Variants in ZNF131 observed in about 807,000 individuals in gnomAD.
The protein encoded by ZNF131 is zinc finger and BTB domain containing 35, also known as zinc finger protein 131.
ZNF131 carries 7 observed loss-of-function variants against 60.0 expected under a neutral mutation model. That is an observed-to-expected ratio of 0.12 (90% CI 0.07 to 0.22). The LOEUF is 0.22. Ranked by LOEUF, ZNF131 falls within the 10% of genes least tolerant of loss-of-function variation. ZNF131 has a pLI of 1.00. For missense variants in ZNF131, 493 were observed against 740.9 expected (o/e 0.67, Z 3.88); for synonymous variants, 257 against 253.2 (o/e 1.01, Z -0.14).
At chr5:43,160,885 TAGTC>T (rs940799587) in intron 4 of ZNF131, among the ~76,000 whole-genome samples, 10 of 152,192 alleles carry the variant, frequency 6.6e-5, no homozygotes, top group Non-Finnish European at 1.0e-4. Flanking sequence ...TTCCCCATGT[TAGTC>T]AGGCTGGTCT....
chr5:43,166,536 A>G (rs186457380), intron 5 of ZNF131, among the ~76,000 whole-genome samples: 9 of 150,300 alleles, frequency 6.0e-5, no homozygotes, highest in African/African-American at 2.2e-4. Context: ...AATTTTTTGT[A>G]TTTTTAGTAG....
intron 3 of ZNF131, among the ~76,000 whole-genome samples, chr5:43,125,493 T>G (rs989915557): frequency 6.7e-6 from 1 of 149,180 alleles, no homozygotes; most frequent in Admixed American, 6.7e-5. Flanking sequence ...AAAAAATAAG[T>G]GGCCTGGCCG....
rs750510343 is a variant in ZNF131, at chr5:43,175,059, ACCAAG to A, written c.1803_1807del (p.Lys601AsnfsTer5). 4 of 1,614,066 alleles carry A rather than the reference ACCAAG, an allele frequency of 2.5e-6. No homozygotes were observed. On this transcript the variant is annotated frameshift_variant, in exon 7 of 7. Transcript: ENST00000682664. LOFTEE classifies it high-confidence loss of function. The stretch of plus-strand genomic sequence containing the variant: ...TCACGAAGATGCTGAGGATTTAGAG[ACCAAG>A]CCAACAGTGGATTCTGAAGCAGAAA...
At chr5:43,150,006 G>A (rs1748098292) in intron 4 of ZNF131, among the ~76,000 whole-genome samples, 1 of 152,162 alleles carries the variant, frequency 6.6e-6, no homozygotes, top group South Asian at 2.1e-4. Context: ...AAAAGGGCTT[G>A]ATTACTTAGA....
chr5:43,133,946 T>A (rs990042031), intron 3 of ZNF131, among the ~76,000 whole-genome samples: 1 of 152,130 alleles, frequency 6.6e-6, no homozygotes, highest in Non-Finnish European at 1.5e-5. Context: ...ATTAATTCAA[T>A]GAAATGTTAA....
intron 3 of ZNF131, among the ~76,000 whole-genome samples, chr5:43,127,840 G>A (rs981665591): frequency 5.3e-5 from 8 of 152,138 alleles, no homozygotes; most frequent in African/African-American, 1.9e-4. Flanking sequence ...ACCTTCTAAC[G>A]TGAACCTCCA....
chr5:43,150,547 T>C (rs962780927), intron 4 of ZNF131, among the ~76,000 whole-genome samples: 13 of 152,006 alleles, frequency 8.6e-5, no homozygotes, highest in African/African-American at 2.7e-4. Context: ...CCCAGCACTT[T>C]GGGAGGCCGA....
chr5:43,155,122 GC>G (rs1748797420), intron 4 of ZNF131, among the ~76,000 whole-genome samples: 2 of 152,204 alleles, frequency 1.3e-5, no homozygotes, highest in South Asian at 4.1e-4. Flanking sequence ...TTAATTAAGG[GC>G]TCCATTAATC....
chr5:43,155,778 A>G (rs987771755), intron 4 of ZNF131, among the ~76,000 whole-genome samples: 6 of 152,276 alleles, frequency 3.9e-5, no homozygotes, highest in South Asian at 2.1e-4. Context: ...TTACTGCTGG[A>G]TGGATGGAGT....
intron 5 of ZNF131, among the ~76,000 whole-genome samples, chr5:43,165,384 G>A (rs991996203): frequency 6.6e-6 from 1 of 152,092 alleles, no homozygotes; most frequent in Non-Finnish European, 1.5e-5. Context: ...GTGTGGCCTT[G>A]TATTTCTTAA....
chr5:43,147,268 G>A (rs921621142), intron 4 of ZNF131, among the ~76,000 whole-genome samples: 4 of 151,660 alleles, frequency 2.6e-5, no homozygotes, highest in Non-Finnish European at 5.9e-5. Context: ...TAATGCTACT[G>A]TATACAAATC....
intron 3 of ZNF131, among the ~76,000 whole-genome samples, chr5:43,128,499 C>CA (rs1249445739): frequency 2.6e-5 from 4 of 151,100 alleles, no homozygotes; most frequent in African/African-American, 4.9e-5. Flanking sequence ...ACTAAAAATA[C>CA]AAAAAAAATT....
At chr5:43,130,290 G>C (rs1262865947) in intron 3 of ZNF131, among the ~76,000 whole-genome samples, 1 of 79,322 alleles carries the variant, frequency 1.3e-5, no homozygotes, top group African/African-American at 4.2e-5. Context: ...AAAGAGGAAA[G>C]TAGAGGCAAT....
chr5:43,169,331 GTTTA>G lies in ZNF131; in HGVS notation c.1055-3986_1055-3983del, dbSNP rs77940876. The stretch of plus-strand genomic sequence containing the variant: ...TGTTTCTATTTCTACATTTTACTGA[GTTTA>G]CTTAATTTTTTAAATAGGAAAAAGC... On this transcript the variant is annotated intron_variant, in intron 5 of 6. Transcript: ENST00000682664. Among the ~76,000 whole-genome samples, 1,582 of 152,264 alleles carry G rather than the reference GTTTA, an allele frequency of 0.01. 104 individuals carry two copies. The East Asian group carries it at 0.18, about 18-fold the overall frequency.
intron 4 of ZNF131, among the ~76,000 whole-genome samples, chr5:43,154,238 C>A (rs928853535): frequency 1.2e-4 from 19 of 152,026 alleles, no homozygotes; most frequent in African/African-American, 4.6e-4. Flanking sequence ...GTGGTGAAAT[C>A]CTGTCTCTAC....
In ZNF131 at chr5:43,175,223, CAAGTGGACCA is replaced by C; in HGVS notation, c.*95_*104del. On this transcript the variant is annotated 3_prime_UTR_variant, in exon 7 of 7. Coordinates refer to ENST00000682664, the MANE Select transcript of ZNF131 (RefSeq NM_001330707.2). ...ACTGTCCTTAATTAAGCCTAACAGA[CAAGTGGACCA>C]AAGTTAAGCTGTTTCCTGTTGTGCT... 1 of 1,292,968 alleles carries C rather than the reference CAAGTGGACCA, an allele frequency of 7.7e-7. No homozygotes were observed. The highest frequency in any genetic ancestry group is 1.0e-6 in the Non-Finnish European group (1 of 954,982). 80.1% of individuals were successfully genotyped at this position (1,292,968 alleles called of 1,614,324 possible).
chr5:43,146,837 T>C (rs1747646251), intron 4 of ZNF131, among the ~76,000 whole-genome samples: 1 of 151,274 alleles, frequency 6.6e-6, no homozygotes, highest in Non-Finnish European at 1.5e-5. Context: ...ACCCTGGTGG[T>C]AGAGGTTGCA....
Position 43,161,245 on chromosome 5 carries a change from T to A in ZNF131, c.372-4T>A. 1 of 1,588,014 alleles carries A rather than the reference T, an allele frequency of 6.3e-7. No homozygotes were observed. ...TTTTTAAACCCCTACATTATGTATT[T>A]CAGGAACAAAGAAAACTCAGCTCCC... is the stretch of plus-strand genomic sequence containing the variant. On this transcript the variant is annotated splice_polypyrimidine_tract_variant and splice_region_variant and intron_variant, in intron 4 of 6. Coordinates refer to ENST00000682664, the MANE Select transcript of ZNF131 (RefSeq NM_001330707.2).
intron 5 of ZNF131, 129 bp from the exon 6 acceptor site, chr5:43,173,189 C>A: frequency 9.9e-7 from 1 of 1,005,066 alleles, no homozygotes; most frequent in Admixed American, 3.1e-5. Flanking sequence ...TATTTGAATT[C>A]TGAATTGTGA....
Sources: gnomAD v4.1 joint callset for allele counts (sites outside exome capture counted in the v4.1 genomes callset) on GRCh38, gnomAD v4.1.1 for gene constraint, MANE v1.5 for transcripts, NCBI Gene and HGNC (gene_info 2026-07-23, HGNC 2026-07-21) for gene names.